JMY: variants seen among roughly 807,000 people sequenced by gnomAD.
JMY encodes junction mediating and regulatory protein, p53 cofactor, also known as junction-mediating and -regulatory protein.
Under a neutral mutation model 103.3 loss-of-function variants are expected in JMY, and 46 were observed. That is an observed-to-expected ratio of 0.45 (90% CI 0.35 to 0.57). JMY has a LOEUF of 0.57. JMY is among the 20% of genes least tolerant of loss of function. JMY has a pLI of 0.00. For synonymous variants in JMY, 526 were observed against 489.3 expected, an observed-to-expected ratio of 1.07 and a Z score of -0.99; for missense variants, 1,238 against 1,255.2, an observed-to-expected ratio of 0.99 and a Z score of 0.21.
chr5:79,284,604 A>G, intron 2 of JMY: 1 of 1,543,936 alleles, frequency 6.5e-7, no homozygotes, highest in Non-Finnish European at 8.9e-7. Context: ...ATTTTGTCAC[A>G]GGTAAGATCC....
At chr5:79,298,034 G>T (rs1746616220) in intron 4 of JMY, among the ~76,000 whole-genome samples, 1 of 152,150 alleles carries the variant, frequency 6.6e-6, no homozygotes, top group Admixed American at 6.5e-5. Flanking sequence ...CAGCGTAAAG[G>T]CATGTCACTG....
intron 2 of JMY, among the ~76,000 whole-genome samples, chr5:79,281,236 G>T (rs2112088600): frequency 6.6e-6 from 1 of 151,696 alleles, no homozygotes; most frequent in African/African-American, 2.4e-5. Flanking sequence ...AGTAGAGACG[G>T]GGTTTCACTG....
intron 1 of JMY, among the ~76,000 whole-genome samples, chr5:79,270,679 A>G (rs1251705045): frequency 1.4e-5 from 2 of 145,454 alleles, no homozygotes; most frequent in Non-Finnish European, 3.0e-5. Context: ...TATAAAATAT[A>G]TTTATATTAA....
chr5:79,302,053 A>C lies in JMY; in HGVS notation c.1881+1190A>C, dbSNP rs569672834. Among the ~76,000 whole-genome samples, 48 of 144,250 alleles carry C rather than the reference A, an allele frequency of 3.3e-4. 1 individual carries two copies. Among genetic ancestry groups the C allele is most frequent in the African/African-American group, 1.2e-3 (45 of 38,238 alleles). The allele number at this position is 144,250 out of a possible 152,430, so 94.6% of individuals were successfully genotyped here. A position where few individuals can be genotyped will look rare whatever the true frequency, so the allele number is the denominator to read the frequency against. On this transcript the variant is annotated intron_variant, in intron 6 of 10. Transcript: ENST00000396137. ...AGCCAAGATGGCACCATTGCACTCC[A>C]GCCTGGACAACAAGAGTGAAACTCC... is the stretch of plus-strand genomic sequence containing the variant.
intron 8 of JMY, among the ~76,000 whole-genome samples, chr5:79,313,378 C>T (rs1747109680): frequency 6.6e-6 from 1 of 152,080 alleles, no homozygotes; most frequent in South Asian, 2.1e-4. Flanking sequence ...GTGATCATAC[C>T]ACTGCACTCC....
At chr5:79,292,095 T>C (rs940296662) in intron 4 of JMY, among the ~76,000 whole-genome samples, 7 of 152,298 alleles carry the variant, frequency 4.6e-5, no homozygotes, top group African/African-American at 1.4e-4. Flanking sequence ...TATTAGAAGG[T>C]AAAATTGGAA....
At chr5:79,258,699 G>T (rs1745330148) in intron 1 of JMY, among the ~76,000 whole-genome samples, 1 of 152,146 alleles carries the variant, frequency 6.6e-6, no homozygotes, top group Non-Finnish European at 1.5e-5. Flanking sequence ...TTCCATGGCT[G>T]ACACCAGGGA....
intron 1 of JMY, among the ~76,000 whole-genome samples, chr5:79,255,405 CTG>C (rs1745211697): frequency 1.3e-5 from 2 of 152,070 alleles, no homozygotes; most frequent in African/African-American, 4.8e-5. Context: ...CCACATATCT[CTG>C]TTTCTATAGG....
intron 1 of JMY, among the ~76,000 whole-genome samples, chr5:79,263,850 T>G (rs1019090053): frequency 6.6e-6 from 1 of 151,602 alleles, no homozygotes; most frequent in South Asian, 2.1e-4. Context: ...CAGGCTGGAG[T>G]GCAGTGGTAC....
chr5:79,312,249 G>GTATTAAAAATATTTCATGTTTCATGATA (rs1167390676), intron 7 of JMY, among the ~76,000 whole-genome samples, 154 bp from the exon 8 acceptor site: 2 of 152,022 alleles, frequency 1.3e-5, no homozygotes, highest in African/African-American at 4.8e-5. Flanking sequence ...GTTTCATGAA[G>GTATTAAAAATATTTCATGTTTCATGATA]TATTAAAAAT....
intron 2 of JMY, among the ~76,000 whole-genome samples, chr5:79,280,842 C>G (rs1313031406): frequency 8.0e-6 from 1 of 124,794 alleles, no homozygotes; most frequent in Non-Finnish European, 1.7e-5. Flanking sequence ...TCAGGCATTT[C>G]TGATTCCAAA....
intron 1 of JMY, among the ~76,000 whole-genome samples, chr5:79,246,259 C>T (rs1744896956): frequency 6.6e-6 from 1 of 152,112 alleles, no homozygotes; most frequent in Non-Finnish European, 1.5e-5. Flanking sequence ...TATCTTTCTC[C>T]TTGCCGTCCT....
chr5:79,272,094 A>G (rs1025873556), intron 1 of JMY, among the ~76,000 whole-genome samples: 3 of 151,312 alleles, frequency 2.0e-5, no homozygotes, highest in African/African-American at 7.3e-5. Flanking sequence ...CCTGTGTCAT[A>G]GAGTGAGATT....
chr5:79,256,546 C>G (rs1302926723), intron 1 of JMY, among the ~76,000 whole-genome samples: 1 of 152,166 alleles, frequency 6.6e-6, no homozygotes, highest in Non-Finnish European at 1.5e-5. Context: ...TTTGCATCAT[C>G]TTGCTCTGTC....
intron 10 of JMY, among the ~76,000 whole-genome samples, chr5:79,318,753 TATATATATAG>T (rs1747331754): frequency 2.1e-5 from 1 of 48,366 alleles, no homozygotes; most frequent in South Asian, 6.2e-4. Context: ...TATATATATA[TATATATATAG>T]AGAGAGAGAG....
intron 1 of JMY, among the ~76,000 whole-genome samples, chr5:79,258,311 GTTGT>G (rs1345581740): frequency 0.026 from 2,158 of 81,778 alleles, 88 homozygotes; most frequent in African/African-American, 0.065. Context: ...TTTTGTTTTT[GTTGT>G]TTTTTTTTTT....
chr5:79,312,315 C>T, intron 7 of JMY, 88 bp from the exon 8 acceptor site: 1 of 722,238 alleles, frequency 1.4e-6, no homozygotes, highest in Non-Finnish European at 2.1e-6. Flanking sequence ...CCCCTTTGGC[C>T]CACATTAGGA....
chr5:79,243,907 C>T (rs1426766692), intron 1 of JMY, among the ~76,000 whole-genome samples: 1 of 152,058 alleles, frequency 6.6e-6, no homozygotes, highest in Non-Finnish European at 1.5e-5. Context: ...AGGATGTCAC[C>T]CTTCTTGGTA....
chr5:79,240,738 T>C (rs1252605612), intron 1 of JMY, among the ~76,000 whole-genome samples: 4 of 152,218 alleles, frequency 2.6e-5, no homozygotes, highest in African/African-American at 7.2e-5. Context: ...GTGTGATTGA[T>C]TGGTGATGTC....
Sources: allele counts gnomAD v4.1 joint callset (sites outside exome capture counted in the v4.1 genomes callset), GRCh38; gene constraint gnomAD v4.1.1; transcripts MANE v1.5; gene names NCBI Gene and HGNC (gene_info 2026-07-23, HGNC 2026-07-21).